The following HDAC9 variants were observed in gnomAD, a reference collection of about 807,000 sequenced individuals.
HDAC9 encodes histone deacetylase 9.
Under a neutral mutation model 139.4 loss-of-function variants are expected in HDAC9, and 41 were observed. The observed-to-expected ratio is 0.29, with a 90% CI of 0.23 to 0.38. The LOEUF is 0.38. Ranked by LOEUF, HDAC9 falls within the 10% of genes least tolerant of loss-of-function variation. The probability of loss-of-function intolerance (pLI) is 1.00; values close to 1 mark genes in which losing one functional copy is unlikely to be tolerated. For missense variants in HDAC9, 1,147 were observed against 1,297.0 expected, an observed-to-expected ratio of 0.88 and a Z score of 1.78; for synonymous variants, 517 against 476.2, an observed-to-expected ratio of 1.09 and a Z score of -1.12.
chr7:18,700,717 G>T (rs1415845244), intron 12 of HDAC9, among the ~76,000 whole-genome samples: 1 of 152,148 alleles, frequency 6.6e-6, no homozygotes, highest in Admixed American at 6.5e-5. Flanking sequence ...GTCTGGGAAA[G>T]CTTGCCTGGC....
chr7:18,182,274 A>T (rs768957), intron 2 of HDAC9, among the ~76,000 whole-genome samples: 82,194 of 152,080 alleles, frequency 0.54, 23,398 homozygotes, highest in African/African-American at 0.72. Flanking sequence ...ATAGGTTGAT[A>T]TATACTTTTT....
intron 2 of HDAC9, among the ~76,000 whole-genome samples, chr7:18,551,616 T>A (rs1377302773): frequency 6.6e-6 from 1 of 152,154 alleles, no homozygotes; most frequent in Non-Finnish European, 1.5e-5. Context: ...TCAGTGCAAA[T>A]GTGTATGATG....
chr7:18,268,386 G>A (rs1336047272), intron 2 of HDAC9, among the ~76,000 whole-genome samples: 1 of 151,776 alleles, frequency 6.6e-6, no homozygotes, highest in Non-Finnish European at 1.5e-5. Flanking sequence ...ACCAAAGTTT[G>A]TTATTAGTTT....
intron 1 of HDAC9, among the ~76,000 whole-genome samples, chr7:18,398,869 CA>C (rs1405478769): frequency 6.6e-6 from 1 of 151,972 alleles, no homozygotes; most frequent in Non-Finnish European, 1.5e-5. Flanking sequence ...ATGCACCTTA[CA>C]AAAAGGCTCA....
At chr7:18,606,866 GT>G (rs1167471456) in intron 6 of HDAC9, among the ~76,000 whole-genome samples, 1 of 152,054 alleles carries the variant, frequency 6.6e-6, no homozygotes, top group Non-Finnish European at 1.5e-5. Context: ...GATGTTTATA[GT>G]TTAGTAGTGC....
rs772557012 is a variant in HDAC9 at position 18,496,330 on chromosome 7, A to G, written c.22+6A>G. 4.3e-6 allele frequency: 7 copies of G among 1,611,956 alleles called. No homozygotes were observed. The East Asian group carries it at 1.3e-4, about 31-fold the overall frequency. On this transcript the variant is annotated splice_donor_region_variant and intron_variant, in intron 2 of 25. Transcript: ENST00000686413. ...GCACAGTATGATCAGCTCAGGTAAG[A>G]TCCTCTTTCATAACTGAGACGTTTT...
chr7:18,472,188 A>C (rs1453970156), intron 1 of HDAC9, among the ~76,000 whole-genome samples: 3 of 152,280 alleles, frequency 2.0e-5, no homozygotes, highest in Non-Finnish European at 4.4e-5. Context: ...TATAATATCT[A>C]TCCCTCTCTA....
intron 22 of HDAC9, chr7:18,892,160 A>G (rs1053767714): frequency 6.6e-6 from 1 of 152,172 alleles, no homozygotes; most frequent in Non-Finnish European, 1.5e-5. Flanking sequence ...CGTTCTACAG[A>G]CACGAAGTAT....
chr7:18,329,408 C>T (rs1038656561), intron 1 of HDAC9, among the ~76,000 whole-genome samples: 4 of 151,742 alleles, frequency 2.6e-5, no homozygotes, highest in African/African-American at 2.4e-5. Flanking sequence ...ATCAAAATAA[C>T]ATATTGTACT....
chr7:18,598,098 C>T (rs1053521825), intron 6 of HDAC9, among the ~76,000 whole-genome samples: 1 of 152,234 alleles, frequency 6.6e-6, no homozygotes, highest in African/African-American at 2.4e-5. Flanking sequence ...ATAAAAAACA[C>T]AATAATTATT....
chr7:18,667,214 C>A lies in HDAC9; in HGVS notation c.1731+738C>A, dbSNP rs1384703342. ...TGTGTAATTTGATGACACTGTCTAT[C>A]AAAAAAGAGCAAATGAAGCAGATGC... is the stretch of plus-strand genomic sequence containing the variant. On this transcript the variant is annotated intron_variant, in intron 12 of 25. Coordinates refer to ENST00000686413, the MANE Select transcript of HDAC9 (RefSeq NM_178425.4). The A allele has an allele frequency of 3.0e-6, 3 of 984,996 alleles. No individual in the cohort carries two copies. In the African/African-American group the frequency reaches 5.2e-5, roughly 17 times the overall value. The allele number at this position is 984,996 out of a possible 1,614,324, so 61.0% of individuals were successfully genotyped here.
chr7:18,814,769 T>G (rs1042119226), intron 17 of HDAC9, among the ~76,000 whole-genome samples: 4 of 152,226 alleles, frequency 2.6e-5, no homozygotes, highest in African/African-American at 7.2e-5. Flanking sequence ...ATTCTACTAG[T>G]GTATAGCCTT....
intron 14 of HDAC9, among the ~76,000 whole-genome samples, chr7:18,760,625 G>A (rs1789299614): frequency 6.6e-6 from 1 of 152,168 alleles, no homozygotes; most frequent in African/African-American, 2.4e-5. Context: ...GAACTTCAAT[G>A]ATATACAAAG....
intron 2 of HDAC9, among the ~76,000 whole-genome samples, chr7:18,553,467 C>T (rs1349972927): frequency 5.9e-5 from 9 of 152,126 alleles, no homozygotes; most frequent in East Asian, 3.8e-4. Flanking sequence ...AAAGGCAATA[C>T]GTGCTGCAGA....
intron 25 of HDAC9, among the ~76,000 whole-genome samples, chr7:18,989,886 C>T: frequency 6.6e-6 from 1 of 150,630 alleles, no homozygotes; most frequent in Non-Finnish European, 1.5e-5. Context: ...AGTTCTTGAG[C>T]CTTGGTTTTC....
chr7:18,859,231 A>G (rs1797908276), intron 21 of HDAC9, among the ~76,000 whole-genome samples: 1 of 152,156 alleles, frequency 6.6e-6, no homozygotes, highest in Admixed American at 6.6e-5. Context: ...CACCTAGTAC[A>G]TTGTCAAAAT....
At chr7:18,115,958 A>T (rs1783949801) in intron 1 of HDAC9, among the ~76,000 whole-genome samples, 1 of 152,194 alleles carries the variant, frequency 6.6e-6, no homozygotes, top group Non-Finnish European at 1.5e-5. Context: ...CTACATTGAT[A>T]CTTAGTTACA....
chr7:18,706,471 T>C (rs1006797606), intron 12 of HDAC9, among the ~76,000 whole-genome samples: 3 of 152,262 alleles, frequency 2.0e-5, no homozygotes, highest in Non-Finnish European at 2.9e-5. Context: ...TAGCTTTACC[T>C]TGTATTTCAC....
At chr7:18,098,311 A>C (rs939130435) in intron 1 of HDAC9, among the ~76,000 whole-genome samples, 13 of 152,328 alleles carry the variant, frequency 8.5e-5, no homozygotes, top group African/African-American at 3.1e-4. Context: ...GGTATATTCA[A>C]TTCTCCTTTA....
Sources: gnomAD v4.1 joint callset for allele counts (sites outside exome capture counted in the v4.1 genomes callset) on GRCh38, gnomAD v4.1.1 for gene constraint, MANE v1.5 for transcripts, NCBI Gene and HGNC (gene_info 2026-07-23, HGNC 2026-07-21) for gene names.